Variants in DAB2IP observed in about 807,000 individuals in gnomAD.
DAB2IP encodes disabled homolog 2-interacting protein.
In DAB2IP, 28 loss-of-function variants were observed where a neutral mutation model predicts 107.2. The observed-to-expected ratio is 0.26, with a 90% CI of 0.19 to 0.36. DAB2IP has a LOEUF of 0.36. Ranked by LOEUF, DAB2IP falls within the 10% of genes least tolerant of loss-of-function variation. The pLI is 1.00. For synonymous variants in DAB2IP, 755 were observed against 706.4 expected, an observed-to-expected ratio of 1.07 and a Z score of -1.09; for missense variants, 1,400 against 1,644.7, an observed-to-expected ratio of 0.85 and a Z score of 2.57.
At chr9:121,569,699 T>C (rs1209275291) in intron 1 of DAB2IP, among the ~76,000 whole-genome samples, 2 of 152,176 alleles carry the variant, frequency 1.3e-5, no homozygotes, top group African/African-American at 4.8e-5. Flanking sequence ...TGCATGCCTT[T>C]AATCCCAGCT....
At chr9:121,671,632 T>TA (rs554749140) in intron 1 of DAB2IP, among the ~76,000 whole-genome samples, 33 of 151,496 alleles carry the variant, frequency 2.2e-4, no homozygotes, top group Middle Eastern at 3.4e-3. Flanking sequence ...AACATTCTTG[T>TA]AAAAAAAAAT....
At chr9:121,672,433 T>C (rs141911315) in intron 1 of DAB2IP, among the ~76,000 whole-genome samples, 1 of 152,354 alleles carries the variant, frequency 6.6e-6, no homozygotes, top group African/African-American at 2.4e-5. Context: ...CAAGTAACAG[T>C]CATCCTTCAT....
chr9:121,769,199 A>G (rs1486481584), intron 10 of DAB2IP, among the ~76,000 whole-genome samples: 1 of 152,096 alleles, frequency 6.6e-6, no homozygotes, highest in East Asian at 1.9e-4. Flanking sequence ...TACTTCCCGA[A>G]TATCTGTTGC....
At chr9:121,771,786 T>G (rs531366400) in intron 11 of DAB2IP, among the ~76,000 whole-genome samples, 123 of 151,766 alleles carry the variant, frequency 8.1e-4, no homozygotes, top group African/African-American at 2.9e-3. Context: ...TCTCAGGGAG[T>G]GGCACTTCCT....
intron 1 of DAB2IP, among the ~76,000 whole-genome samples, chr9:121,597,539 C>T (rs1466853025): frequency 2.6e-5 from 4 of 152,300 alleles, no homozygotes; most frequent in South Asian, 2.1e-4. Context: ...CCTCCTCTCT[C>T]GAATTAGAGG....
At chr9:121,583,483 C>T (rs1830249035) in intron 1 of DAB2IP, among the ~76,000 whole-genome samples, 2 of 152,138 alleles carry the variant, frequency 1.3e-5, no homozygotes, top group African/African-American at 4.8e-5. Context: ...CACTGAGGAA[C>T]GTGCCAGAAC....
rs563916638 is a variant in DAB2IP at position 121,702,549 on chromosome 9, A to G, written c.362+3091A>G. On this transcript the variant is annotated intron_variant, in intron 3 of 15. Transcript: ENST00000408936. The surrounding 1 kb of genome is among the most constrained non-coding windows in gnomAD (Gnocchi z 4.5). ...AGCTTTGGCAGTAAGCACCAAGGAC[A>G]GGTGATCATTTCTCCTGGGTAACAA... Among the ~76,000 whole-genome samples, 29 of 152,344 alleles carry G rather than the reference A, an allele frequency of 1.9e-4. 2 individuals are homozygous for G. The South Asian group carries it at 5.4e-3, about 28-fold the overall frequency.
rs746332733 is a variant in DAB2IP at position 121,699,401 on chromosome 9, T to A, written c.305T>A (p.Phe102Tyr). 6.8e-6 allele frequency: 10 copies of A among 1,471,840 alleles called. No individual in the cohort carries two copies. The South Asian group carries it at 1.3e-4, about 19-fold the overall frequency. 91.2% of individuals were successfully genotyped at this position (1,471,840 alleles called of 1,614,324 possible). Reference sequence around the variant, plus strand: ...CCCAAGCTGGACCGCAACCACAGCTTCCGCCACATCCTGCCGGGGTTCCGG... The same window carrying A: ...CCCAAGCTGGACCGCAACCACAGCTACCGCCACATCCTGCCGGGGTTCCGG... The change falls in exon 3 of 16, where the codon TTC becomes TAC. Residue 102 changes from phenylalanine (F) to tyrosine (Y), a missense_variant. This residue lies in a region of DAB2IP where 283 missense variants were observed against 237.0 expected (regional missense o/e 1.19). Transcript: ENST00000408936. The surrounding 1 kb of genome is among the most constrained non-coding windows in gnomAD (Gnocchi z 6.2).
upstream of DAB2IP, among the ~76,000 whole-genome samples, chr9:121,650,184 T>C (rs1400817578): frequency 6.6e-6 from 1 of 152,192 alleles, no homozygotes; most frequent in African/African-American, 2.4e-5. Context: ...TGGTTTTCCA[T>C]CTTCCTGTGG....
intron 1 of DAB2IP, among the ~76,000 whole-genome samples, chr9:121,668,369 C>T (rs1444238181): frequency 6.6e-6 from 1 of 151,394 alleles, no homozygotes; most frequent in East Asian, 1.9e-4. Flanking sequence ...TCCCAAGTGG[C>T]TAGGATGACA....
chr9:121,668,113 G>A (rs1157339897), intron 1 of DAB2IP, among the ~76,000 whole-genome samples: 1 of 151,988 alleles, frequency 6.6e-6, no homozygotes, highest in Admixed American at 6.5e-5. Flanking sequence ...CCCACAACAT[G>A]TGCGAATTAT....
intron 1 of DAB2IP, among the ~76,000 whole-genome samples, chr9:121,620,492 G>C (rs1230894941): frequency 6.6e-6 from 1 of 152,216 alleles, no homozygotes; most frequent in Non-Finnish European, 1.5e-5. Flanking sequence ...TCTGTAAAAT[G>C]GGATAACAGT....
intron 1 of DAB2IP, among the ~76,000 whole-genome samples, chr9:121,596,602 C>A (rs940727021): frequency 6.6e-6 from 1 of 150,844 alleles, no homozygotes; most frequent in African/African-American, 2.5e-5. Context: ...ATTTGAGATT[C>A]ATAATGAATT....
At chr9:121,641,800 C>T (rs7020352) in intron 1 of DAB2IP, among the ~76,000 whole-genome samples, 1 of 150,936 alleles carries the variant, frequency 6.6e-6, no homozygotes, top group Non-Finnish European at 1.5e-5. Context: ...GCCTGCCTAC[C>T]TTCCTTCTTT....
intron 2 of DAB2IP, among the ~76,000 whole-genome samples, chr9:121,696,853 T>G (rs1005235735): frequency 6.6e-6 from 1 of 152,066 alleles, no homozygotes; most frequent in Admixed American, 6.6e-5. Flanking sequence ...GATCGGTGGG[T>G]GGGTCAACGG....
intron 2 of DAB2IP, among the ~76,000 whole-genome samples, chr9:121,686,686 C>T (rs1828896253): frequency 6.6e-6 from 1 of 152,146 alleles, no homozygotes; most frequent in Non-Finnish European, 1.5e-5. Flanking sequence ...GGCAAGTTGC[C>T]CCACTCTCTT....
intron 3 of DAB2IP, among the ~76,000 whole-genome samples, chr9:121,714,194 A>G (rs1243739025): frequency 2.0e-5 from 3 of 152,212 alleles, no homozygotes; most frequent in African/African-American, 4.8e-5. Flanking sequence ...CATCATATAT[A>G]TAGCAAGAGA....
At chr9:121,759,889 A>G (rs1182386895) in exon 6 of DAB2IP, 2 of 1,612,352 alleles carry the variant, frequency 1.2e-6, no homozygotes, top group African/African-American at 1.3e-5. Context: ...ATACAGGACA[A>G]CAGCCGGCGT....
intron 3 of DAB2IP, among the ~76,000 whole-genome samples, chr9:121,749,933 G>T (rs1832985502): frequency 6.6e-6 from 1 of 152,206 alleles, no homozygotes; most frequent in African/African-American, 2.4e-5. Context: ...AGCAGCGTGT[G>T]CATCGTTCAC....
Sources: allele counts gnomAD v4.1 joint callset (sites outside exome capture counted in the v4.1 genomes callset), GRCh38; gene constraint gnomAD v4.1.1; regional missense constraint gnomAD v4.1.1; non-coding constraint Gnocchi (gnomAD v3.1); transcripts MANE v1.5; gene names NCBI Gene and HGNC (gene_info 2026-07-23, HGNC 2026-07-21).